The following SCHIP1 variants were observed in gnomAD, a reference collection of about 807,000 sequenced individuals.
The protein encoded by SCHIP1 is schwannomin interacting protein 1.
In SCHIP1, 8 loss-of-function variants were observed where a neutral mutation model predicts 29.7. The ratio of observed to expected loss-of-function variants is 0.27; its 90% confidence interval spans 0.16 to 0.49. The LOEUF (loss-of-function observed/expected upper bound fraction) is 0.49. Ranked by LOEUF, SCHIP1 falls within the 20% of genes least tolerant of loss-of-function variation. The pLI is 0.99. For synonymous variants in SCHIP1, 76 were observed against 94.9 expected (o/e 0.80, Z 1.16); for missense variants, 193 against 294.6 (o/e 0.66, Z 2.52).
chr3:159,464,770 C>G, the SCHIP1 span, among the ~76,000 whole-genome samples: 4 of 152,086 alleles, frequency 2.6e-5, no homozygotes, highest in African/African-American at 9.7e-5. Context: ...TTCATTTATC[C>G]AAACTCATCT....
intron 2 of SCHIP1, among the ~76,000 whole-genome samples, chr3:159,873,128 G>A (rs1242780148): frequency 1.3e-5 from 2 of 152,138 alleles, no homozygotes; most frequent in African/African-American, 4.8e-5. Context: ...ATCTTTTGAG[G>A]AGTAATAAGA....
At chr3:159,465,356 T>G in the SCHIP1 span, among the ~76,000 whole-genome samples, 2 of 151,894 alleles carry the variant, frequency 1.3e-5, no homozygotes, top group African/African-American at 4.8e-5. Flanking sequence ...TGCGTGTGTG[T>G]GTGTGTGGAA....
chr3:159,352,978 A>G, the SCHIP1 span, among the ~76,000 whole-genome samples: 1 of 152,186 alleles, frequency 6.6e-6, no homozygotes, highest in Non-Finnish European at 1.5e-5. Flanking sequence ...TTTGGGGGAC[A>G]GCAAATTTGA....
At chr3:159,646,353 G>A in the SCHIP1 span, among the ~76,000 whole-genome samples, 1 of 152,086 alleles carries the variant, frequency 6.6e-6, no homozygotes, top group East Asian at 1.9e-4. Flanking sequence ...CTTAGCACAG[G>A]GGCAGTGTAA....
At chr3:159,460,506 GAAT>G in the SCHIP1 span, among the ~76,000 whole-genome samples, 1 of 152,086 alleles carries the variant, frequency 6.6e-6, no homozygotes, top group Non-Finnish European at 1.5e-5. Context: ...AGGACTCAAA[GAAT>G]AATACACACA....
chr3:159,602,995 CT>C, the SCHIP1 span, among the ~76,000 whole-genome samples: 23 of 152,202 alleles, frequency 1.5e-4, no homozygotes, highest in Non-Finnish European at 2.9e-5. Context: ...TTGTCCCCCA[CT>C]TTCAATGCCA....
the SCHIP1 span, among the ~76,000 whole-genome samples, chr3:159,334,797 T>C: frequency 6.6e-6 from 1 of 152,168 alleles, no homozygotes; most frequent in Non-Finnish European, 1.5e-5. Flanking sequence ...TAGTCTCCAA[T>C]TTAAGGGTAT....
chr3:159,690,370 A>G, the SCHIP1 span, among the ~76,000 whole-genome samples: 1 of 152,132 alleles, frequency 6.6e-6, no homozygotes, highest in Non-Finnish European at 1.5e-5. Flanking sequence ...TAGATTTTCT[A>G]GTTTATTTGC....
chr3:159,617,068 GC>G, the SCHIP1 span, among the ~76,000 whole-genome samples: 2 of 152,156 alleles, frequency 1.3e-5, no homozygotes, highest in African/African-American at 4.8e-5. Flanking sequence ...GAGCATTGAT[GC>G]TTTTGGGTTC....
At chr3:159,764,485 A>G in the SCHIP1 span, 28 of 1,538,778 alleles carry the variant, frequency 1.8e-5, no homozygotes, top group South Asian at 3.7e-5. This position sits in a 1 kb window ranked among gnomAD's most constrained non-coding sequence, Gnocchi z 6.1. Context: ...TGACGCCGGC[A>G]GCAGCAGCAG....
At chr3:159,520,566 A>C in the SCHIP1 span, among the ~76,000 whole-genome samples, 18 of 152,330 alleles carry the variant, frequency 1.2e-4, 1 homozygote, top group Admixed American at 3.3e-4. Flanking sequence ...CTACAAGATT[A>C]AACTACAGCC....
chr3:159,356,292 T>C, the SCHIP1 span, among the ~76,000 whole-genome samples: 1 of 152,212 alleles, frequency 6.6e-6, no homozygotes, highest in African/African-American at 2.4e-5. Flanking sequence ...ATATACTATT[T>C]TAGGCAAGGA....
the SCHIP1 span, among the ~76,000 whole-genome samples, chr3:159,322,267 C>A: frequency 6.6e-6 from 1 of 152,102 alleles, no homozygotes; most frequent in Non-Finnish European, 1.5e-5. Context: ...CAAAACAGAG[C>A]CAAATTTATT....
chr3:159,491,466 C>A, the SCHIP1 span, among the ~76,000 whole-genome samples: 35 of 152,344 alleles, frequency 2.3e-4, no homozygotes, highest in African/African-American at 7.7e-4. Flanking sequence ...TATCCAGCAC[C>A]TGGCTTGGAG....
the SCHIP1 span, among the ~76,000 whole-genome samples, chr3:159,624,689 T>C: frequency 7.2e-5 from 11 of 152,240 alleles, no homozygotes; most frequent in South Asian, 6.2e-4. Context: ...AAAGGGCAGC[T>C]ACAAATAATA....
chr3:159,356,797 T>C, the SCHIP1 span, among the ~76,000 whole-genome samples: 2 of 152,330 alleles, frequency 1.3e-5, no homozygotes, highest in East Asian at 1.9e-4. Flanking sequence ...GCAATTCACA[T>C]GGAGGCAGAC....
chr3:159,467,686 A>T, the SCHIP1 span, among the ~76,000 whole-genome samples: 1 of 152,128 alleles, frequency 6.6e-6, no homozygotes, highest in Non-Finnish European at 1.5e-5. Context: ...AAATGATCAA[A>T]TTGAGGTGTT....
intron 1 of SCHIP1, among the ~76,000 whole-genome samples, chr3:159,860,619 T>C (rs1208275445): frequency 3.9e-5 from 6 of 152,150 alleles, no homozygotes; most frequent in African/African-American, 9.7e-5. Flanking sequence ...TCAGTTCCCA[T>C]GGCAAAGAGT....
chr3:159,762,962 C>T, the SCHIP1 span, among the ~76,000 whole-genome samples: 1 of 152,190 alleles, frequency 6.6e-6, no homozygotes, highest in African/African-American at 2.4e-5. Flanking sequence ...TCTGGTGGCT[C>T]GCCCAACCCT....
Sources: gnomAD v4.1 joint callset for allele counts (sites outside exome capture counted in the v4.1 genomes callset) on GRCh38, gnomAD v4.1.1 for gene constraint, Gnocchi (gnomAD v3.1) non-coding constraint, MANE v1.5 for transcripts, NCBI Gene and HGNC (gene_info 2026-07-23, HGNC 2026-07-21) for gene names.